The following AK4 variants were observed in gnomAD, a reference collection of about 807,000 sequenced individuals.
AK4 encodes the protein adenylate kinase 4.
Under a neutral mutation model 24.6 loss-of-function variants are expected in AK4, and 13 were observed. The observed-to-expected ratio is 0.53, with a 90% CI of 0.34 to 0.84. The LOEUF is 0.84. Among genes scored for constraint, AK4 ranks in the 40% least tolerant of loss-of-function variants. The pLI is 0.01. For missense variants in AK4, 192 were observed against 288.2 expected (o/e 0.67, Z 2.42); for synonymous variants, 88 against 107.0 (o/e 0.82, Z 1.10).
chr1:65,166,772 T>C (rs1266416767), intron 1 of AK4, among the ~76,000 whole-genome samples: 1 of 152,192 alleles, frequency 6.6e-6, no homozygotes, highest in East Asian at 1.9e-4. Flanking sequence ...TCTCCCACTT[T>C]GGCCTCCCAC....
intron 1 of AK4, among the ~76,000 whole-genome samples, chr1:65,155,676 T>C (rs1430801507): frequency 6.6e-6 from 1 of 151,392 alleles, no homozygotes; most frequent in Non-Finnish European, 1.5e-5. Context: ...AGTTTTGCTT[T>C]AGATGGAGTC....
At chr1:65,170,387 C>CA (rs141885156) in intron 1 of AK4, among the ~76,000 whole-genome samples, 50 of 147,102 alleles carry the variant, frequency 3.4e-4, no homozygotes, top group South Asian at 4.2e-4. Flanking sequence ...CACACACACA[C>CA]AAAAAAAATC....
intron 1 of AK4, among the ~76,000 whole-genome samples, chr1:65,170,019 C>A (rs569633943): frequency 6.6e-6 from 1 of 152,120 alleles, no homozygotes; most frequent in South Asian, 2.1e-4. Context: ...CATGGAAAGT[C>A]CCTCCCACCT....
intron 1 of AK4, among the ~76,000 whole-genome samples, chr1:65,175,185 T>G (rs1650670600): frequency 6.6e-6 from 1 of 152,218 alleles, no homozygotes; most frequent in Non-Finnish European, 1.5e-5. Context: ...GATGATTGTG[T>G]GTTGGCCCGC....
chr1:65,176,142 G>T (rs995310886), intron 1 of AK4, among the ~76,000 whole-genome samples: 4 of 152,136 alleles, frequency 2.6e-5, no homozygotes, highest in African/African-American at 9.7e-5. Flanking sequence ...GAATGAGAAA[G>T]CCTAAGGAGG....
chr1:65,184,720 C>T (rs1386997059), intron 1 of AK4, among the ~76,000 whole-genome samples: 2 of 152,126 alleles, frequency 1.3e-5, no homozygotes, highest in Non-Finnish European at 2.9e-5. Context: ...GATGAAGGTC[C>T]AGTTTTCCGA....
At chr1:65,218,333 G>A (rs1652193614) in intron 2 of AK4, among the ~76,000 whole-genome samples, 1 of 152,180 alleles carries the variant, frequency 6.6e-6, no homozygotes, top group Non-Finnish European at 1.5e-5. Flanking sequence ...AGGTGACACA[G>A]GTAGTTAAGA....
At chr1:65,167,164 T>G (rs1282666326) in intron 1 of AK4, among the ~76,000 whole-genome samples, 1 of 152,162 alleles carries the variant, frequency 6.6e-6, no homozygotes, top group African/African-American at 2.4e-5. Flanking sequence ...TATGTCATTG[T>G]TAAGAGGGGC....
intron 1 of AK4, among the ~76,000 whole-genome samples, chr1:65,166,614 C>T (rs572838812): frequency 1.3e-5 from 2 of 152,222 alleles, no homozygotes; most frequent in South Asian, 2.1e-4. Context: ...CTTCAACCTC[C>T]CAGACTCTAG....
chr1:65,168,747 C>T (rs2889130), intron 1 of AK4, among the ~76,000 whole-genome samples: 14,455 of 152,272 alleles, frequency 0.095, 916 homozygotes, highest in Admixed American at 0.22. Context: ...GTACCAGCTA[C>T]TCCAGGTTAC....
At chr1:65,199,109 T>C (rs1055810842) in intron 2 of AK4, among the ~76,000 whole-genome samples, 7 of 151,542 alleles carry the variant, frequency 4.6e-5, no homozygotes, top group African/African-American at 1.7e-4. Context: ...AAAAAAGAAT[T>C]TGGGCAGTGA....
intron 2 of AK4, among the ~76,000 whole-genome samples, chr1:65,192,070 T>A (rs979286731): frequency 1.3e-5 from 2 of 152,194 alleles, no homozygotes; most frequent in African/African-American, 4.8e-5. Flanking sequence ...GCATGTTAAT[T>A]TCTCTAGACT....
At chr1:65,161,116 A>G (rs754372778) in intron 1 of AK4, among the ~76,000 whole-genome samples, 1 of 152,142 alleles carries the variant, frequency 6.6e-6, no homozygotes, top group East Asian at 1.9e-4. Flanking sequence ...TAAAAAACCT[A>G]AAAAAGGAAG....
intron 1 of AK4, among the ~76,000 whole-genome samples, chr1:65,168,667 A>G (rs925614451): frequency 2.6e-5 from 4 of 152,162 alleles, no homozygotes; most frequent in Non-Finnish European, 5.9e-5. Context: ...CCTGCAGGGC[A>G]CACTGTAGCT....
Position 65,224,791 on chromosome 1 carries a change from G to A in AK4, c.478G>A (p.Glu160Lys). The A allele has an allele frequency of 6.2e-7, 1 of 1,613,764 alleles. No individual in the cohort carries two copies. Among genetic ancestry groups the A allele is most frequent in the Non-Finnish European group, 8.5e-7 (1 of 1,179,960 alleles). ...CACTGGTGAACCGTTAGTCCAGCAGGAGGATGATAAACCCGAAGCAGTTGC... is the reference window on the plus strand; with the variant it reads ...CACTGGTGAACCGTTAGTCCAGCAGAAGGATGATAAACCCGAAGCAGTTGC... ...DVTGEPLVQQ[E>K]DDKPEAVAAR... The change falls in exon 4 of 5, where the codon GAG (glutamate) becomes AAG (lysine). Residue 160 changes from glutamate (E) to lysine (K), a missense_variant. By Grantham distance (56) the Glu-to-Lys change is moderately conservative. Coordinates refer to ENST00000327299, the MANE Select transcript of AK4 (RefSeq NM_013410.4).
At chr1:65,212,664 C>G (rs550242760) in intron 2 of AK4, among the ~76,000 whole-genome samples, 2 of 151,656 alleles carry the variant, frequency 1.3e-5, no homozygotes, top group African/African-American at 2.4e-5. Context: ...AATTTTTGTA[C>G]TTTTTGTAGA....
At position 65,159,477 on chromosome 1, in the gene AK4, C is replaced by T. The variant is rs537741146; in HGVS notation, c.145+10925C>T. 5.3e-5 allele frequency among the ~76,000 whole-genome samples: 8 copies of T among 151,218 alleles called. No homozygotes were observed. In the East Asian group the frequency reaches 1.4e-3, roughly 26 times the overall value. On this transcript the variant is annotated intron_variant, in intron 1 of 4. Transcript: ENST00000327299. ...TTAGAGACCAGCCTGGGCAACATGG[C>T]AAGACCCTGTCTCTACAAAAAATAA...
chr1:65,163,078 T>G (rs1160389511), intron 1 of AK4, among the ~76,000 whole-genome samples: 1 of 152,224 alleles, frequency 6.6e-6, no homozygotes, highest in Non-Finnish European at 1.5e-5. Flanking sequence ...CATTTGTATG[T>G]AAGTTTTTGT....
At chr1:65,199,497 C>T (rs766282974) in intron 2 of AK4, among the ~76,000 whole-genome samples, 6 of 151,940 alleles carry the variant, frequency 3.9e-5, no homozygotes, top group African/African-American at 1.2e-4. Context: ...TGCAGTGAGC[C>T]GAGATCGTGC....
Sources: gnomAD v4.1 joint callset for allele counts (sites outside exome capture counted in the v4.1 genomes callset) on GRCh38, gnomAD v4.1.1 for gene constraint, MANE v1.5 for transcripts, NCBI Gene and HGNC (gene_info 2026-07-23, HGNC 2026-07-21) for gene names.